Variants in ABLIM3 observed in about 807,000 individuals in gnomAD.
ABLIM3 encodes the protein actin-binding LIM protein 3.
A neutral mutation model predicts 109.5 loss-of-function variants in ABLIM3; 61 were observed. The ratio of observed to expected loss-of-function variants is 0.56; its 90% confidence interval spans 0.45 to 0.69. ABLIM3 has a LOEUF of 0.69. Among genes scored for constraint, ABLIM3 ranks in the 30% least tolerant of loss-of-function variants. ABLIM3 has a pLI of 0.00. For synonymous variants in ABLIM3, 300 were observed against 324.8 expected (o/e 0.92, Z 0.82); for missense variants, 796 against 889.5 (o/e 0.89, Z 1.34).
chr5:149,236,553 C>T (rs10055581), intron 10 of ABLIM3, among the ~76,000 whole-genome samples: 6,657 of 152,044 alleles, frequency 0.044, 492 homozygotes, highest in African/African-American at 0.15. Flanking sequence ...CCATGAGATG[C>T]GGGCTGTCAC....
intron 23 of ABLIM3, among the ~76,000 whole-genome samples, chr5:149,254,891 T>C (rs1431969315): frequency 2.0e-5 from 3 of 152,074 alleles, no homozygotes; most frequent in African/African-American, 7.2e-5. Context: ...GGAGCTCAGG[T>C]CTAGAACTTT....
At chr5:149,185,415 C>T (rs1461408260) in intron 3 of ABLIM3, among the ~76,000 whole-genome samples, 1 of 152,166 alleles carries the variant, frequency 6.6e-6, no homozygotes, top group Non-Finnish European at 1.5e-5. Context: ...ACCTTTTCAA[C>T]CCTCAGCTTA....
At position 149,260,483 on chromosome 5, in the gene ABLIM3, G is replaced by A. The variant is rs1257186712; in HGVS notation, c.*2079G>A. The stretch of plus-strand genomic sequence containing the variant: ...TTCTTGTGTGGGAGTGGAAATGACT[G>A]ACATGGGAAGAGGCTGAACCCTGCA... On this transcript the variant is annotated 3_prime_UTR_variant, in exon 24 of 24. Coordinates refer to ENST00000309868, the MANE Select transcript of ABLIM3 (RefSeq NM_014945.5). 6.6e-6 allele frequency: 1 copy of A among 152,518 alleles called. No homozygotes were observed. Among genetic ancestry groups the A allele is most frequent in the Non-Finnish European group, 1.5e-5 (1 of 68,016 alleles). 9.4% of individuals were successfully genotyped at this position (152,518 alleles called of 1,614,324 possible). A position where few individuals can be genotyped will look rare whatever the true frequency, so the allele number is the denominator to read the frequency against.
intron 18 of ABLIM3, among the ~76,000 whole-genome samples, chr5:149,249,160 G>T (rs1242007022): frequency 6.6e-6 from 1 of 152,196 alleles, no homozygotes; most frequent in African/African-American, 2.4e-5. Flanking sequence ...TCAGACCCAA[G>T]TTGGAGTGGC....
chr5:149,243,132 A>G (rs1490886409), intron 15 of ABLIM3, among the ~76,000 whole-genome samples: 1 of 152,210 alleles, frequency 6.6e-6, no homozygotes, highest in Non-Finnish European at 1.5e-5. Flanking sequence ...TTCTTAAAGA[A>G]TGATCTATGG....
intron 3 of ABLIM3, 37 bp downstream of exon 3, chr5:149,183,626 C>G: frequency 6.7e-7 from 1 of 1,492,806 alleles, no homozygotes; most frequent in Non-Finnish European, 8.9e-7. Context: ...TTCTTAGATT[C>G]CTGACCATTC....
intron 2 of ABLIM3, among the ~76,000 whole-genome samples, chr5:149,165,354 C>T (rs1754727906): frequency 6.6e-6 from 1 of 152,176 alleles, no homozygotes; most frequent in Non-Finnish European, 1.5e-5. Context: ...TATTGGAACA[C>T]ATTTTTGGGA....
intron 9 of ABLIM3, 23 bp downstream of exon 9, chr5:149,230,730 G>A (rs898354507): frequency 3.7e-6 from 6 of 1,613,398 alleles, no homozygotes; most frequent in Admixed American, 3.3e-5. Flanking sequence ...GTAGATTCCA[G>A]ACCAGCACTC....
At chr5:149,216,883 A>C (rs1164118157) in intron 7 of ABLIM3, 76 bp from the exon 8 acceptor site, 10 of 1,325,308 alleles carry the variant, frequency 7.5e-6, no homozygotes, top group African/African-American at 1.4e-5. Flanking sequence ...GTACCCAGGA[A>C]AGATTCAAAC....
intron 2 of ABLIM3, among the ~76,000 whole-genome samples, 154 bp downstream of exon 2, chr5:149,142,262 G>C (rs1752535353): frequency 6.6e-6 from 1 of 152,172 alleles, no homozygotes; most frequent in Non-Finnish European, 1.5e-5. Context: ...GTGCTCCTTG[G>C]CAGAGGGATA....
At position 149,250,453 on chromosome 5, in the gene ABLIM3, T is replaced by G. The variant is rs367724699; in HGVS notation, c.1736T>G (p.Leu579Arg). ...TCTAGATCCTTCTTTTCAGATCCTC[T>G]CATCTCCAAATCTGCCTCCCTGCCT... ...RSHYLADSDP[L>R]ISKSASLPAY... is the part of the protein sequence containing the mutation. Residue 579 changes from leucine (L) to arginine (R), a missense_variant, in exon 20 of 24, where the codon CTC becomes CGC. By Grantham distance (102) the Leu-to-Arg change is moderately radical. Transcript: ENST00000309868. 2.2e-5 allele frequency: 35 copies of G among 1,614,032 alleles called. No individual in the cohort carries two copies. Among genetic ancestry groups the G allele is most frequent in the Middle Eastern group, 1.6e-4 (1 of 6,080 alleles).
intron 2 of ABLIM3, among the ~76,000 whole-genome samples, chr5:149,169,081 T>C (rs1581032010): frequency 6.6e-6 from 1 of 151,642 alleles, no homozygotes; most frequent in East Asian, 2.0e-4. Flanking sequence ...GACTTTGCTG[T>C]AGGACCCCCC....
At chr5:149,215,521 A>AT (rs1317101615) in intron 7 of ABLIM3, among the ~76,000 whole-genome samples, 2 of 27,632 alleles carry the variant, frequency 7.2e-5, no homozygotes, top group Non-Finnish European at 1.1e-4. Context: ...CTCCCCCCAC[A>AT]TAAAAAAAAA....
rs562810675 is a variant in ABLIM3, at chr5:149,212,739, G to A, written c.669+1920G>A. ...TCATTGGCAGAACTGGGGATGACAG[G>A]GGAAAAAGCTGATCTGGCAGAAACA... On this transcript the variant is annotated intron_variant, in intron 7 of 23. Transcript: ENST00000309868. 7.9e-5 allele frequency among the ~76,000 whole-genome samples: 12 copies of A among 152,268 alleles called. No homozygotes were observed. The East Asian group carries it at 2.1e-3, about 27-fold the overall frequency.
At chr5:149,189,666 C>T (rs1757297428) in intron 3 of ABLIM3, among the ~76,000 whole-genome samples, 1 of 152,218 alleles carries the variant, frequency 6.6e-6, no homozygotes, top group East Asian at 1.9e-4. Flanking sequence ...TGCCACTTCA[C>T]ATCTACTAGA....
chr5:149,156,240 T>C (rs1019475618), intron 2 of ABLIM3, among the ~76,000 whole-genome samples: 5 of 152,372 alleles, frequency 3.3e-5, no homozygotes, highest in African/African-American at 1.2e-4. Context: ...AGTTGAGCTA[T>C]AGAATCAGAC....
chr5:149,239,123 G>A, intron 11 of ABLIM3, 125 bp from the exon 12 acceptor site: 1 of 882,706 alleles, frequency 1.1e-6, no homozygotes, highest in Admixed American at 1.8e-5. Flanking sequence ...ATCTGGAGAG[G>A]GGTACAAAGG....
intron 7 of ABLIM3, among the ~76,000 whole-genome samples, chr5:149,215,012 G>C (rs1404628556): frequency 2.0e-5 from 3 of 152,060 alleles, no homozygotes; most frequent in African/African-American, 7.2e-5. Flanking sequence ...CCTTACTCTG[G>C]GTGCAGGCTG....
At chr5:149,210,995 C>G (rs1331423169) in intron 7 of ABLIM3, among the ~76,000 whole-genome samples, 176 bp downstream of exon 7, 1 of 151,970 alleles carries the variant, frequency 6.6e-6, no homozygotes, top group Non-Finnish European at 1.5e-5. Flanking sequence ...CTGGGAAACC[C>G]CAAAATGAGA....
Sources: allele counts gnomAD v4.1 joint callset (sites outside exome capture counted in the v4.1 genomes callset), GRCh38; gene constraint gnomAD v4.1.1; transcripts MANE v1.5; gene names NCBI Gene and HGNC (gene_info 2026-07-23, HGNC 2026-07-21).